Variants in CYP7B1 observed in about 807,000 individuals in gnomAD.
CYP7B1 encodes the protein cytochrome P450 family 7 subfamily B member 1, also known as cytochrome P450 7B1.
Under a neutral mutation model 42.7 loss-of-function variants are expected in CYP7B1, and 29 were observed. The ratio of observed to expected loss-of-function variants is 0.68; its 90% CI spans 0.51 to 0.93. The LOEUF (loss-of-function observed/expected upper bound fraction) is 0.93, where lower values mean the gene tolerates loss of function less well. Ranked by LOEUF, CYP7B1 falls within the 40% of genes least tolerant of loss-of-function variation. The pLI is 0.00. For missense variants in CYP7B1, 655 were observed against 600.5 expected, an observed-to-expected ratio of 1.09 and a Z score of -0.95; for synonymous variants, 235 against 218.2, an observed-to-expected ratio of 1.08 and a Z score of -0.68.
chr8:64,645,741 C>T (rs80284718), intron 1 of CYP7B1, among the ~76,000 whole-genome samples: 1 of 152,004 alleles, frequency 6.6e-6, no homozygotes, highest in South Asian at 2.1e-4. Context: ...CATCGCCAAG[C>T]CAATCCTAAG....
intron 1 of CYP7B1, among the ~76,000 whole-genome samples, chr8:64,774,693 G>A (rs1804292756): frequency 6.6e-6 from 1 of 152,098 alleles, no homozygotes; most frequent in Non-Finnish European, 1.5e-5. Context: ...GCAGAAATCG[G>A]AGCTTATTAT....
At chr8:64,711,592 G>A (rs1214866859) in intron 1 of CYP7B1, among the ~76,000 whole-genome samples, 1 of 152,206 alleles carries the variant, frequency 6.6e-6, no homozygotes, top group African/African-American at 2.4e-5. Flanking sequence ...CTTCTGATCT[G>A]TGTCTGACTC....
chr8:64,669,136 T>C (rs1456245702), intron 1 of CYP7B1, among the ~76,000 whole-genome samples: 1 of 152,000 alleles, frequency 6.6e-6, no homozygotes, highest in South Asian at 2.1e-4. Context: ...TTAAAAAAAA[T>C]GAAGATATCA....
At chr8:64,786,393 T>C (rs1472127635) in intron 1 of CYP7B1, among the ~76,000 whole-genome samples, 1 of 152,130 alleles carries the variant, frequency 6.6e-6, no homozygotes, top group African/African-American at 2.4e-5. Flanking sequence ...CCATTCCAAA[T>C]GGGAGAAACT....
chr8:64,665,467 A>G (rs538011335), intron 1 of CYP7B1, among the ~76,000 whole-genome samples: 1 of 152,080 alleles, frequency 6.6e-6, no homozygotes, highest in Non-Finnish European at 1.5e-5. Context: ...CGAGCTACAT[A>G]AACTAGGCAA....
chr8:64,593,494 G>A lies in CYP7B1; in HGVS notation c.*3148C>T, dbSNP rs1329914009. Among the ~76,000 whole-genome samples, 1 of 152,040 alleles carries A rather than the reference G, an allele frequency of 6.6e-6. No homozygotes were observed. Among genetic ancestry groups the A allele is most frequent in the African/African-American group, 2.4e-5 (1 of 41,378 alleles). On this transcript the variant is annotated 3_prime_UTR_variant, in exon 6 of 6. Transcript: ENST00000310193. ...AAATGGTTGCATTCTACCTGATTTA[G>A]GGCTAGAAACCACAATACCTATGTA...
chr8:64,643,184 T>TATATACATATATAC (rs1563374423), intron 1 of CYP7B1, among the ~76,000 whole-genome samples: 1 of 38,214 alleles, frequency 2.6e-5, no homozygotes, highest in Non-Finnish European at 8.5e-5. Context: ...TATATATACA[T>TATATACATATATAC]ATATATATAC....
At chr8:64,641,312 G>A (rs544250813) in intron 1 of CYP7B1, among the ~76,000 whole-genome samples, 1 of 152,118 alleles carries the variant, frequency 6.6e-6, no homozygotes, top group South Asian at 2.1e-4. Context: ...TCCTAGTCCA[G>A]TTTAATGCCT....
chr8:64,758,141 C>G (rs1031774816), intron 1 of CYP7B1, among the ~76,000 whole-genome samples: 2 of 152,150 alleles, frequency 1.3e-5, no homozygotes, highest in East Asian at 3.9e-4. Context: ...CTATGGTTAC[C>G]TAGAACAAAA....
At chr8:64,644,228 C>T (rs909229111) in intron 1 of CYP7B1, among the ~76,000 whole-genome samples, 16 of 150,850 alleles carry the variant, frequency 1.1e-4, no homozygotes, top group South Asian at 8.4e-4. Context: ...GCTGAGAGTG[C>T]GCCACTGCAC....
rs780569135 is a variant in CYP7B1 at position 64,592,039 on chromosome 8, T to C, written c.*4603A>G. ...CTCGTCTCCACTAAAAATACAAAAG[T>C]TGGTCAGGCATAGTGGTGGGTGCCT... On this transcript the variant is annotated 3_prime_UTR_variant, in exon 6 of 6. Coordinates refer to ENST00000310193, the MANE Select transcript of CYP7B1 (RefSeq NM_004820.5). 7.9e-5 allele frequency among the ~76,000 whole-genome samples: 12 copies of C among 151,750 alleles called. No homozygotes were observed. Among genetic ancestry groups the C allele is most frequent in the Non-Finnish European group, 1.5e-4 (10 of 67,958 alleles).
At chr8:64,623,962 A>G (rs1377809607) in intron 2 of CYP7B1, among the ~76,000 whole-genome samples, 9 of 152,230 alleles carry the variant, frequency 5.9e-5, no homozygotes, top group African/African-American at 1.9e-4. Flanking sequence ...TGTAACAAAT[A>G]TACTACATAG....
chr8:64,744,608 C>T (rs1807616524), intron 1 of CYP7B1, among the ~76,000 whole-genome samples: 1 of 152,140 alleles, frequency 6.6e-6, no homozygotes, highest in Non-Finnish European at 1.5e-5. Context: ...AAGTCTTATC[C>T]TGGCCCCTTA....
At chr8:64,787,354 C>T (rs1186288210) in intron 1 of CYP7B1, among the ~76,000 whole-genome samples, 1 of 152,216 alleles carries the variant, frequency 6.6e-6, no homozygotes. Context: ...CCTAGATCAT[C>T]TCTTCCAAGT....
chr8:64,698,438 A>G (rs1806864832), intron 1 of CYP7B1, among the ~76,000 whole-genome samples: 1 of 152,144 alleles, frequency 6.6e-6, no homozygotes, highest in Non-Finnish European at 1.5e-5. Flanking sequence ...AAGAAGTTGA[A>G]TTCACCACGC....
intron 1 of CYP7B1, among the ~76,000 whole-genome samples, chr8:64,682,586 T>C (rs767951233): frequency 1.3e-5 from 2 of 152,224 alleles, no homozygotes; most frequent in African/African-American, 2.4e-5. Context: ...TTCTACATCA[T>C]TGGCTGATGC....
intron 2 of CYP7B1, among the ~76,000 whole-genome samples, chr8:64,620,773 G>C (rs973517825): frequency 5.3e-5 from 8 of 152,194 alleles, no homozygotes; most frequent in Non-Finnish European, 8.8e-5. Flanking sequence ...AAGCAAAAGG[G>C]AGGTATCGTG....
chr8:64,770,218 C>G (rs1329392574), intron 1 of CYP7B1, among the ~76,000 whole-genome samples: 1 of 151,870 alleles, frequency 6.6e-6, no homozygotes, highest in Non-Finnish European at 1.5e-5. Context: ...TGCCATAAAA[C>G]CAAACAATAG....
intron 1 of CYP7B1, among the ~76,000 whole-genome samples, chr8:64,706,362 G>A (rs1332545249): frequency 6.6e-6 from 1 of 151,954 alleles, no homozygotes; most frequent in Non-Finnish European, 1.5e-5. Context: ...TCTTAAACTA[G>A]GAGGATGGTT....
Sources: allele counts gnomAD v4.1 joint callset (sites outside exome capture counted in the v4.1 genomes callset), GRCh38; gene constraint gnomAD v4.1.1; transcripts MANE v1.5; gene names NCBI Gene and HGNC (gene_info 2026-07-23, HGNC 2026-07-21).